PHLPP1: variants seen among roughly 807,000 people sequenced by gnomAD.
The protein encoded by PHLPP1 is PH domain leucine-rich repeat-containing protein phosphatase 1.
In PHLPP1, 42 loss-of-function variants were observed where a neutral mutation model predicts 117.2. That is an observed-to-expected ratio of 0.36 (90% CI 0.28 to 0.46). The LOEUF is 0.46. Among genes scored for constraint, PHLPP1 ranks in the 20% least tolerant of loss-of-function variants. PHLPP1 has a pLI of 1.00. For synonymous variants in PHLPP1, 1,042 were observed against 970.7 expected (o/e 1.07, Z -1.37); for missense variants, 2,084 against 2,241.9 (o/e 0.93, Z 1.42).
At chr18:62,968,191 C>A (rs1029534833) in intron 14 of PHLPP1, among the ~76,000 whole-genome samples, 1 of 152,136 alleles carries the variant, frequency 6.6e-6, no homozygotes, top group Non-Finnish European at 1.5e-5. Context: ...TGTCTATATT[C>A]CATGGTGGAT....
chr18:62,757,402 A>G (rs1019399517), intron 1 of PHLPP1, among the ~76,000 whole-genome samples: 3 of 152,214 alleles, frequency 2.0e-5, no homozygotes, highest in Admixed American at 2.0e-4. Context: ...TGTGTTTCAA[A>G]TAAGGCTTGG....
chr18:62,867,596 T>C (rs1915800144), intron 4 of PHLPP1, among the ~76,000 whole-genome samples: 1 of 152,216 alleles, frequency 6.6e-6, no homozygotes, highest in African/African-American at 2.4e-5. Flanking sequence ...AATTCTTATA[T>C]TCCTCTCAGC....
At chr18:62,895,396 T>C (rs1232476418) in intron 5 of PHLPP1, among the ~76,000 whole-genome samples, 2 of 152,258 alleles carry the variant, frequency 1.3e-5, no homozygotes, top group African/African-American at 4.8e-5. Flanking sequence ...CAGATGAGTA[T>C]GTCTAAACAT....
At chr18:62,897,112 C>A (rs1425998601) in intron 6 of PHLPP1, among the ~76,000 whole-genome samples, 1 of 152,082 alleles carries the variant, frequency 6.6e-6, no homozygotes, top group Non-Finnish European at 1.5e-5. Context: ...TTTATTCATC[C>A]ACCAGTGGTA....
At chr18:62,968,636 C>A (rs1479006875) in intron 14 of PHLPP1, among the ~76,000 whole-genome samples, 1 of 138,932 alleles carries the variant, frequency 7.2e-6, no homozygotes, top group Non-Finnish European at 1.5e-5. Context: ...CTTCTGGGTT[C>A]ACGCAATTCT....
intron 9 of PHLPP1, 75 bp from the exon 10 acceptor site, chr18:62,919,884 G>T (rs1000287576): frequency 4.3e-5 from 45 of 1,037,140 alleles, no homozygotes; most frequent in Admixed American, 2.6e-5. Flanking sequence ...AAGTGAATTT[G>T]TGATTTTTGG....
intron 6 of PHLPP1, among the ~76,000 whole-genome samples, chr18:62,896,295 GTT>G (rs11373740): frequency 2.1e-5 from 3 of 140,250 alleles, no homozygotes; most frequent in Non-Finnish European, 3.1e-5. Flanking sequence ...TGTTGTTCTT[GTT>G]TTTTTTTTTT....
Position 62,715,731 on chromosome 18 carries a change from C to A in PHLPP1, c.48C>A (p.Gly16=). 1 of 1,243,450 alleles carries A rather than the reference C, an allele frequency of 8.0e-7. No individual in the cohort carries two copies. The highest frequency in any genetic ancestry group is 1.0e-6 in the Non-Finnish European group (1 of 990,174). The allele number at this position is 1,243,450 out of a possible 1,614,324, so 77.0% of individuals were successfully genotyped here. Residue 16 remains glycine (G), a synonymous_variant, in exon 1 of 17, where the codon GGC becomes GGA. Coordinates refer to ENST00000262719, the MANE Select transcript of PHLPP1 (RefSeq NM_194449.4). ...AATVQRLPEL[G]REDRASAPAA... is the part of the protein sequence containing the mutation. ...CGGTACAGCGACTCCCCGAGCTCGG[C>A]AGGGAGGACCGAGCTTCGGCTCCGG...
chr18:62,744,977 CA>C (rs1256409945), intron 1 of PHLPP1, among the ~76,000 whole-genome samples: 1 of 152,124 alleles, frequency 6.6e-6, no homozygotes, highest in Non-Finnish European at 1.5e-5. Context: ...GAAGGAAGTA[CA>C]GCATGGATAG....
intron 9 of PHLPP1, among the ~76,000 whole-genome samples, chr18:62,917,309 C>G (rs1430957208): frequency 6.6e-6 from 1 of 150,900 alleles, no homozygotes; most frequent in Non-Finnish European, 1.5e-5. Context: ...TGTTCTGTAT[C>G]AGAACAGGCT....
chr18:62,903,919 A>G (rs992068817), intron 7 of PHLPP1, among the ~76,000 whole-genome samples: 81 of 152,246 alleles, frequency 5.3e-4, no homozygotes, highest in African/African-American at 1.8e-3. Context: ...CAAAAAAGAA[A>G]AGGTAGTATG....
chr18:62,840,160 G>C (rs575318554), intron 3 of PHLPP1, among the ~76,000 whole-genome samples: 1 of 152,190 alleles, frequency 6.6e-6, no homozygotes, highest in Admixed American at 6.5e-5. Context: ...TTTGAGAACA[G>C]TATCTAGAAA....
chr18:62,739,160 A>G (rs1911449578), intron 1 of PHLPP1, among the ~76,000 whole-genome samples: 1 of 152,250 alleles, frequency 6.6e-6, no homozygotes, highest in South Asian at 2.1e-4. Flanking sequence ...AATGCTAGAC[A>G]GATAGTAGTT....
At position 62,978,081 on chromosome 18, in the gene PHLPP1, T is replaced by TAGCA. The variant is rs1260299827; in HGVS notation, c.3985-181_3985-180insAGCA. On this transcript the variant is annotated intron_variant, in intron 16 of 16. Coordinates refer to ENST00000262719, the MANE Select transcript of PHLPP1 (RefSeq NM_194449.4). This position sits in a 1 kb window ranked among gnomAD's most constrained non-coding sequence, Gnocchi z 7.0. ...ACCTGCCCAGGCCTACTACCTGGGG[T>TAGCA]TTCTGATGACAGGTGCACATTAACT... Among the ~76,000 whole-genome samples, 1 of 152,068 alleles carries TAGCA rather than the reference T, an allele frequency of 6.6e-6. No homozygotes were observed. Among genetic ancestry groups the TAGCA allele is most frequent in the Admixed American group, 6.5e-5 (1 of 15,278 alleles).
chr18:62,763,806 A>G (rs543116678), intron 1 of PHLPP1, among the ~76,000 whole-genome samples: 3 of 151,770 alleles, frequency 2.0e-5, no homozygotes, highest in East Asian at 3.9e-4. Context: ...TTTTTTTTCT[A>G]TGGGGCAGAC....
At chr18:62,825,520 G>A (rs35586811) in intron 1 of PHLPP1, 4,980 of 150,402 alleles carry the variant, frequency 0.033, 141 homozygotes, top group Non-Finnish European at 0.049. Flanking sequence ...GAGTGCAGTG[G>A]CACAATCATA....
intron 10 of PHLPP1, among the ~76,000 whole-genome samples, chr18:62,926,177 A>C (rs956189531): frequency 3.9e-5 from 6 of 152,214 alleles, no homozygotes; most frequent in Non-Finnish European, 8.8e-5. Context: ...TTAGAATACT[A>C]TGAAGGGGAA....
At chr18:62,898,943 C>T (rs551740235) in intron 6 of PHLPP1, among the ~76,000 whole-genome samples, 11 of 152,008 alleles carry the variant, frequency 7.2e-5, no homozygotes, top group Admixed American at 5.2e-4. Context: ...GGATTACAGG[C>T]GCCCATCACC....
chr18:62,768,333 AGAG>A (rs1357603965), intron 1 of PHLPP1, among the ~76,000 whole-genome samples: 3 of 152,194 alleles, frequency 2.0e-5, no homozygotes, highest in African/African-American at 7.2e-5. Flanking sequence ...AATACAGTGG[AGAG>A]GATCCAAAAA....
Sources: allele counts gnomAD v4.1 joint callset (sites outside exome capture counted in the v4.1 genomes callset), GRCh38; gene constraint gnomAD v4.1.1; non-coding constraint Gnocchi (gnomAD v3.1); transcripts MANE v1.5; gene names NCBI Gene and HGNC (gene_info 2026-07-23, HGNC 2026-07-21).